Variants in SRGAP1 observed in about 807,000 individuals in gnomAD.
SRGAP1 encodes the protein SLIT-ROBO Rho GTPase activating protein 1, also known as SLIT-ROBO Rho GTPase-activating protein 1.
A neutral mutation model predicts 121.9 loss-of-function variants in SRGAP1; 43 were observed. The observed-to-expected ratio is 0.35, with a 90% CI of 0.28 to 0.46. SRGAP1 has a LOEUF of 0.46. Among genes scored for constraint, SRGAP1 ranks in the 20% least tolerant of loss-of-function variants. The pLI is 1.00. For synonymous variants in SRGAP1, 447 were observed against 485.4 expected (o/e 0.92, Z 1.04); for missense variants, 1,102 against 1,350.9 (o/e 0.82, Z 2.89).
chr12:64,103,143 C>A (rs1442528671), intron 15 of SRGAP1, among the ~76,000 whole-genome samples: 1 of 152,040 alleles, frequency 6.6e-6, no homozygotes, highest in African/African-American at 2.4e-5. Flanking sequence ...CCACACCCAG[C>A]TAATTTTTGT....
At chr12:63,899,986 A>G (rs1900882744) in intron 1 of SRGAP1, among the ~76,000 whole-genome samples, 1 of 152,186 alleles carries the variant, frequency 6.6e-6, no homozygotes, top group Admixed American at 6.5e-5. Context: ...AAAACTTTCT[A>G]GAAGCTTGAT....
At chr12:63,893,304 A>G (rs1432564116) in intron 1 of SRGAP1, among the ~76,000 whole-genome samples, 2 of 152,216 alleles carry the variant, frequency 1.3e-5, no homozygotes, top group Non-Finnish European at 2.9e-5. Flanking sequence ...TGCTGAGTCC[A>G]TTATCATAAG....
intron 11 of SRGAP1, among the ~76,000 whole-genome samples, chr12:64,089,627 A>G (rs1437739809): frequency 2.0e-5 from 3 of 152,226 alleles, no homozygotes; most frequent in Admixed American, 2.0e-4. Flanking sequence ...TATTTCCTCC[A>G]TGAATGGCCA....
intron 4 of SRGAP1, among the ~76,000 whole-genome samples, chr12:64,039,175 C>A (rs1593067683): frequency 6.6e-6 from 1 of 152,210 alleles, no homozygotes; most frequent in East Asian, 1.9e-4. Flanking sequence ...TAACTGTTAA[C>A]ATTTTAGTGA....
chr12:64,147,569 T>TC lies in SRGAP1; in HGVS notation c.*4902dup. ...GTGTCCTCCCATCCCACCGCATCAGTCCCCCGCTCATGTGCTGCTGACAGC... is the reference window on the plus strand; with the variant it reads ...GTGTCCTCCCATCCCACCGCATCAGTCCCCCCGCTCATGTGCTGCTGACAGC... On this transcript the variant is annotated 3_prime_UTR_variant, in exon 22 of 22. Transcript: ENST00000355086. 1 of 398,696 alleles carries TC rather than the reference T, an allele frequency of 2.5e-6. No individual in the cohort carries two copies. Among genetic ancestry groups the TC allele is most frequent in the Non-Finnish European group, 4.4e-6 (1 of 226,194 alleles). 24.7% of individuals were successfully genotyped at this position (398,696 alleles called of 1,614,324 possible). A position where few individuals can be genotyped will look rare whatever the true frequency, so the allele number is the denominator to read the frequency against.
chr12:63,978,475 T>C (rs1035500242), intron 1 of SRGAP1, among the ~76,000 whole-genome samples: 5 of 152,226 alleles, frequency 3.3e-5, no homozygotes, highest in Admixed American at 2.6e-4. Context: ...TGGTTTTTTG[T>C]GAGTGGTTTC....
chr12:63,981,673 C>T (rs1766188046), intron 1 of SRGAP1, among the ~76,000 whole-genome samples: 1 of 152,178 alleles, frequency 6.6e-6, no homozygotes, highest in Non-Finnish European at 1.5e-5. Flanking sequence ...ATGTGTTCAA[C>T]TCTGGTGTTC....
intron 1 of SRGAP1, among the ~76,000 whole-genome samples, chr12:63,867,667 G>A (rs1028505640): frequency 2.0e-5 from 3 of 151,758 alleles, no homozygotes; most frequent in Admixed American, 1.3e-4. Context: ...AGCTTAACAC[G>A]TTTTTTTGTC....
chr12:63,972,897 C>CCAG (rs1280758056), intron 1 of SRGAP1, among the ~76,000 whole-genome samples: 3 of 152,020 alleles, frequency 2.0e-5, no homozygotes, highest in African/African-American at 7.3e-5. Flanking sequence ...GCCTGTAATC[C>CCAG]CAGCACTTGG....
At chr12:64,135,896 G>A (rs946769881) in intron 21 of SRGAP1, among the ~76,000 whole-genome samples, 49 of 152,330 alleles carry the variant, frequency 3.2e-4, no homozygotes, top group African/African-American at 1.2e-3. Context: ...CCCACAATAA[G>A]CCGTCTGCAG....
intron 11 of SRGAP1, among the ~76,000 whole-genome samples, chr12:64,087,555 G>A (rs2035971642): frequency 6.6e-6 from 1 of 151,954 alleles, no homozygotes; most frequent in Admixed American, 6.6e-5. Flanking sequence ...CCAATGTGGT[G>A]AAACCCTGTC....
chr12:64,069,040 A>G (rs886221835), intron 8 of SRGAP1, among the ~76,000 whole-genome samples: 1 of 151,370 alleles, frequency 6.6e-6, no homozygotes, highest in Non-Finnish European at 1.5e-5. Flanking sequence ...ATATATATAC[A>G]TATTATAAAT....
At position 63,989,989 on chromosome 12, in the gene SRGAP1, G is replaced by T. The variant is rs1335166941; in HGVS notation, c.343G>T (p.Ala115Ser). Residue 115 changes from alanine to serine, a missense_variant, in exon 3 of 22, where the codon GCA becomes TCA. By Grantham distance (99) the Ala-to-Ser change is moderately conservative. Coordinates refer to ENST00000355086, the MANE Select transcript of SRGAP1 (RefSeq NM_020762.4). ...AGTAAGGAGAGAAAGCAAAGACCAT[G>T]CAACCTTGAGTGACATCTATCTGAA... ...NQVRRESKDHATLSDIYLNNV... is the reference protein window; with the variant it reads ...NQVRRESKDHSTLSDIYLNNV... 1 of 1,613,938 alleles carries T rather than the reference G, an allele frequency of 6.2e-7. No individual in the cohort carries two copies. The highest frequency in any genetic ancestry group is 8.5e-7 in the Non-Finnish European group (1 of 1,179,826).
At chr12:64,064,073 CT>C (rs1343536898) in intron 7 of SRGAP1, among the ~76,000 whole-genome samples, 1 of 152,124 alleles carries the variant, frequency 6.6e-6, no homozygotes, top group Admixed American at 6.5e-5. Context: ...CTTATCCCAT[CT>C]TTCCAAAACC....
intron 1 of SRGAP1, among the ~76,000 whole-genome samples, chr12:63,914,342 A>G (rs570259417): frequency 1.1e-4 from 16 of 152,222 alleles, no homozygotes; most frequent in Non-Finnish European, 2.2e-4. Context: ...GAATGAACAA[A>G]TGAATGGATT....
At chr12:63,938,741 GTT>G (rs75409568) in intron 1 of SRGAP1, among the ~76,000 whole-genome samples, 2 of 143,516 alleles carry the variant, frequency 1.4e-5, no homozygotes, top group Non-Finnish European at 1.5e-5. Context: ...ATGTTTTTAG[GTT>G]TTTTTTTTTT....
intron 1 of SRGAP1, among the ~76,000 whole-genome samples, chr12:63,949,329 CTTG>C (rs2032202383): frequency 1.6e-5 from 2 of 123,724 alleles, no homozygotes; most frequent in Admixed American, 8.5e-5. Flanking sequence ...TTAGTCACAA[CTTG>C]TTTTTTTTTT....
intron 4 of SRGAP1, among the ~76,000 whole-genome samples, chr12:64,039,376 A>T (rs796156921): frequency 6.6e-6 from 1 of 152,166 alleles, no homozygotes; most frequent in South Asian, 2.1e-4. Flanking sequence ...AGTAAGGAAC[A>T]CCCTGCTGGC....
At chr12:64,024,627 C>T (rs1351903993) in intron 4 of SRGAP1, among the ~76,000 whole-genome samples, 2 of 152,130 alleles carry the variant, frequency 1.3e-5, no homozygotes, top group Admixed American at 6.6e-5. Context: ...GCGCTAACTC[C>T]AGTATGCCTG....
Sources: gnomAD v4.1 joint callset for allele counts (sites outside exome capture counted in the v4.1 genomes callset) on GRCh38, gnomAD v4.1.1 for gene constraint, MANE v1.5 for transcripts, NCBI Gene and HGNC (gene_info 2026-07-23, HGNC 2026-07-21) for gene names.